The following ENPP6 variants were observed in gnomAD, a reference collection of about 807,000 sequenced individuals.
ENPP6 encodes the protein ectonucleotide pyrophosphatase/phosphodiesterase 6, also known as glycerophosphocholine cholinephosphodiesterase ENPP6.
In ENPP6, 32 loss-of-function variants were observed where a neutral mutation model predicts 42.0. That is an observed-to-expected ratio of 0.76 (90% CI 0.58 to 1.02). The LOEUF is 1.02. Among genes scored for constraint, ENPP6 ranks in the 50% least tolerant of loss-of-function variants. The probability of loss-of-function intolerance (pLI) is 0.00; values close to 1 mark genes in which losing one functional copy is unlikely to be tolerated. For missense variants in ENPP6, 552 were observed against 566.8 expected (o/e 0.97, Z 0.27); for synonymous variants, 213 against 216.0 (o/e 0.99, Z 0.12).
chr4:184,142,142 C>G (rs1359369755), intron 2 of ENPP6, among the ~76,000 whole-genome samples: 1 of 152,196 alleles, frequency 6.6e-6, no homozygotes, highest in Non-Finnish European at 1.5e-5. Flanking sequence ...AGACTCGCTT[C>G]CTGGCAACTC....
At position 184,182,303 on chromosome 4, in the gene ENPP6, A is replaced by G. The variant is rs188834811; in HGVS notation, c.242-28570T>C. ...CATTAGAGAAATGCAAATCAAAACCACAATGAGATACCATCTCATGCCAGT... is the reference window on the plus strand; with the variant it reads ...CATTAGAGAAATGCAAATCAAAACCGCAATGAGATACCATCTCATGCCAGT... On this transcript the variant is annotated intron_variant, in intron 1 of 7. Coordinates refer to ENST00000296741, the MANE Select transcript of ENPP6 (RefSeq NM_153343.4). 3.3e-5 allele frequency among the ~76,000 whole-genome samples: 5 copies of G among 152,314 alleles called. No individual in the cohort carries two copies. The East Asian group carries it at 9.7e-4, about 29-fold the overall frequency.
At chr4:184,210,256 T>C (rs1179147155) in intron 1 of ENPP6, among the ~76,000 whole-genome samples, 2 of 148,204 alleles carry the variant, frequency 1.3e-5, no homozygotes, top group African/African-American at 5.1e-5. Context: ...TAAATGTAAA[T>C]GGACTAAATG....
chr4:184,133,850 C>A (rs1003472754), intron 2 of ENPP6, among the ~76,000 whole-genome samples: 1 of 149,666 alleles, frequency 6.7e-6, no homozygotes, highest in Admixed American at 6.7e-5. Context: ...CATTCTATTA[C>A]TGTTGTAAAT....
chr4:184,186,453 G>A (rs1245669981), intron 1 of ENPP6, among the ~76,000 whole-genome samples: 1 of 152,152 alleles, frequency 6.6e-6, no homozygotes, highest in Non-Finnish European at 1.5e-5. Context: ...GCATGAGACC[G>A]ACAAGGTGAG....
Position 184,153,614 on chromosome 4 carries a change from C to T in ENPP6, c.361G>A (p.Glu121Lys). 1 of 1,614,214 alleles carries T rather than the reference C, an allele frequency of 6.2e-7. No homozygotes were observed. Among genetic ancestry groups the T allele is most frequent in the South Asian group, 1.1e-5 (1 of 91,090 alleles). Residue 121 changes from glutamate to lysine, a missense_variant, in exon 2 of 8, where the codon GAA becomes AAA. Around this residue, in one of 2 missense-constraint regions of ENPP6, gnomAD observed 545 missense variants for 546.3 expected, o/e 1.00. Transcript: ENST00000296741. ...TTGGTCAGAGTGACCCACAGAGGTT[C>T]TGATCCATTCCACCAGAGAGGCATT... Reference protein sequence around the residue: ...SLMPLWWNGSEPLWVTLTKAK... With the variant: ...SLMPLWWNGSKPLWVTLTKAK...
intron 2 of ENPP6, among the ~76,000 whole-genome samples, chr4:184,126,568 C>G (rs1736506314): frequency 6.6e-6 from 1 of 152,166 alleles, no homozygotes; most frequent in Non-Finnish European, 1.5e-5. Flanking sequence ...TGCAAAGCAA[C>G]AGTTTTATCA....
rs186351921 is a variant in ENPP6 at position 184,101,908 on chromosome 4, C to T, written c.994-4540G>A. Among the ~76,000 whole-genome samples the T allele has an allele frequency of 3.5e-3, 537 of 152,312 alleles. 11 individuals carry two copies. Among genetic ancestry groups the T allele is most frequent in the East Asian group, 0.012 (61 of 5,174 alleles). The stretch of plus-strand genomic sequence containing the variant: ...ACAAGTCGCCCCACACCAGGACGCG[C>T]GGTGAGAAGCCGCTGCGAGGGTGCC... On this transcript the variant is annotated intron_variant, in intron 6 of 7. Transcript: ENST00000296741.
chr4:184,116,726 T>A (rs1331533805), intron 5 of ENPP6, 130 bp downstream of exon 5: 1 of 1,292,050 alleles, frequency 7.7e-7, no homozygotes, highest in East Asian at 2.4e-5. Flanking sequence ...AAAGTGAAAC[T>A]CTGCCTCAAA....
In ENPP6 at chr4:184,107,856, T is replaced by A. The variant is rs375770370; in HGVS notation, c.993+4816A>T. Among the ~76,000 whole-genome samples the A allele has an allele frequency of 3.4e-4, 52 of 150,980 alleles. 1 individual carries two copies. Among genetic ancestry groups the A allele is most frequent in the East Asian group, 1.2e-3 (6 of 5,142 alleles). On this transcript the variant is annotated intron_variant, in intron 6 of 7. Transcript: ENST00000296741. The stretch of plus-strand genomic sequence containing the variant: ...CGTGAACCCGGGAGGCGGAGCTTGC[T>A]GTGAGCCGAGATCCCGCCATTACCC...
At chr4:184,176,976 C>T (rs1737573902) in intron 1 of ENPP6, among the ~76,000 whole-genome samples, 1 of 152,216 alleles carries the variant, frequency 6.6e-6, no homozygotes, top group African/African-American at 2.4e-5. Flanking sequence ...CGGGAAACCA[C>T]TTGTTTTCCC....
rs35794133 is a variant in ENPP6 at position 184,152,927 on chromosome 4, G to GTTT, written c.421+624_421+626dup. ...CAATGACGTATGGAAATGGTACACT[G>GTTT]TTTTTTTTTTTGTAAAGCAAGTAAG... is the stretch of plus-strand genomic sequence containing the variant. On this transcript the variant is annotated intron_variant, in intron 2 of 7. Transcript: ENST00000296741. Among the ~76,000 whole-genome samples the GTTT allele has an allele frequency of 7.5e-3, 1,106 of 146,554 alleles. 18 individuals are homozygous for GTTT. Among genetic ancestry groups the GTTT allele is most frequent in the East Asian group, 0.041 (204 of 5,004 alleles).
intron 2 of ENPP6, among the ~76,000 whole-genome samples, chr4:184,141,455 G>A (rs1367215242): frequency 6.6e-6 from 1 of 152,210 alleles, no homozygotes; most frequent in Non-Finnish European, 1.5e-5. Flanking sequence ...AAGGGCGATG[G>A]GCTGCCTTTC....
At chr4:184,095,654 CAA>C (rs71700505) in intron 7 of ENPP6, among the ~76,000 whole-genome samples, 50,200 of 139,528 alleles carry the variant, frequency 0.36, 9,738 homozygotes, top group East Asian at 0.62. Context: ...GAAACTGTCT[CAA>C]AAAAAAAAAA....
intron 2 of ENPP6, among the ~76,000 whole-genome samples, chr4:184,146,520 CAA>C (rs1449850894): frequency 6.6e-6 from 1 of 152,034 alleles, no homozygotes; most frequent in Non-Finnish European, 1.5e-5. Context: ...CCTTGCTACA[CAA>C]AGTCAGAAAT....
At chr4:184,173,595 T>C (rs1737511497) in intron 1 of ENPP6, among the ~76,000 whole-genome samples, 1 of 152,228 alleles carries the variant, frequency 6.6e-6, no homozygotes, top group Non-Finnish European at 1.5e-5. Context: ...GTGGCTAAAT[T>C]TGAAGTGTCT....
intron 1 of ENPP6, among the ~76,000 whole-genome samples, chr4:184,175,723 G>A (rs774447730): frequency 6.6e-6 from 1 of 152,118 alleles, no homozygotes; most frequent in Admixed American, 6.5e-5. Flanking sequence ...TACACCAAGC[G>A]TGTTCTTTAT....
chr4:184,140,327 C>T (rs1212383524), intron 2 of ENPP6, among the ~76,000 whole-genome samples: 1 of 151,492 alleles, frequency 6.6e-6, no homozygotes, highest in Non-Finnish European at 1.5e-5. Context: ...AGGTAATTTA[C>T]AGATTCAATG....
chr4:184,102,251 T>G (rs1379547183), intron 6 of ENPP6, among the ~76,000 whole-genome samples: 1 of 152,148 alleles, frequency 6.6e-6, no homozygotes, highest in Non-Finnish European at 1.5e-5. Flanking sequence ...AGCTGAGCTG[T>G]GCTGTCTGGG....
chr4:184,154,268 G>T lies in ENPP6; in HGVS notation c.242-535C>A, dbSNP rs148268041. Among the ~76,000 whole-genome samples, 67 of 152,324 alleles carry T rather than the reference G, an allele frequency of 4.4e-4. No individual in the cohort carries two copies. The East Asian group carries it at 8.1e-3, about 18-fold the overall frequency. ...AATAGATTCAACTTTGAAAAACAAA[G>T]CAGGAAAACAACCCTTCAAATGCAG... On this transcript the variant is annotated intron_variant, in intron 1 of 7. Transcript: ENST00000296741.
Sources: gnomAD v4.1 joint callset for allele counts (sites outside exome capture counted in the v4.1 genomes callset) on GRCh38, gnomAD v4.1.1 for gene constraint, gnomAD v4.1.1 regional missense constraint, MANE v1.5 for transcripts, NCBI Gene and HGNC (gene_info 2026-07-23, HGNC 2026-07-21) for gene names.